ENTREP2: variants seen among roughly 807,000 people sequenced by gnomAD.
ENTREP2 encodes the protein endosomal transmembrane epsin interactor 2, also known as protein ENTREP2.
At chr15:29,433,155 C>T in the ENTREP2 span, among the ~76,000 whole-genome samples, 1 of 152,144 alleles carries the variant, frequency 6.6e-6, no homozygotes, top group Non-Finnish European at 1.5e-5. Flanking sequence ...TGGACCCAGC[C>T]CCAGCACTGG....
At chr15:29,246,373 CAG>C in the ENTREP2 span, among the ~76,000 whole-genome samples, 1 of 122,568 alleles carries the variant, frequency 8.2e-6, no homozygotes, top group African/African-American at 3.1e-5. Context: ...GCCTAAGCAA[CAG>C]AGTGAAACCC....
chr15:29,375,215 T>C, the ENTREP2 span: 1 of 152,212 alleles, frequency 6.6e-6, no homozygotes, highest in African/African-American at 2.4e-5. Flanking sequence ...CTGCATGCTG[T>C]ATACAATGCC....
the ENTREP2 span, among the ~76,000 whole-genome samples, chr15:29,528,376 C>G: frequency 6.6e-6 from 1 of 151,824 alleles, no homozygotes; most frequent in Non-Finnish European, 1.5e-5. Flanking sequence ...GGAAGAGAAG[C>G]TGCATGTCCT....
chr15:29,203,356 C>T, the ENTREP2 span, among the ~76,000 whole-genome samples: 3 of 152,066 alleles, frequency 2.0e-5, no homozygotes, highest in Non-Finnish European at 4.4e-5. Flanking sequence ...GAGCTGAGAT[C>T]GCGCCACTGC....
At chr15:29,438,217 G>A in the ENTREP2 span, among the ~76,000 whole-genome samples, 1 of 152,134 alleles carries the variant, frequency 6.6e-6, no homozygotes, top group African/African-American at 2.4e-5. Flanking sequence ...AAATAATGAA[G>A]GGGAAGTGCC....
chr15:29,238,685 GA>G, the ENTREP2 span, among the ~76,000 whole-genome samples: 12 of 152,136 alleles, frequency 7.9e-5, no homozygotes, highest in Admixed American at 6.5e-4. Context: ...GGCTATACAA[GA>G]AGCATGGCAG....
At chr15:29,138,731 G>A in the ENTREP2 span, among the ~76,000 whole-genome samples, 1 of 151,094 alleles carries the variant, frequency 6.6e-6, no homozygotes, top group African/African-American at 2.4e-5. Context: ...GTGTGTTGAG[G>A]GGAAGACAGG....
the ENTREP2 span, among the ~76,000 whole-genome samples, chr15:29,470,091 G>A: frequency 1.1e-4 from 17 of 152,272 alleles, no homozygotes; most frequent in East Asian, 3.3e-3. Context: ...ATCACTAAAA[G>A]GAGCCTAAGA....
chr15:29,156,539 C>T, the ENTREP2 span, among the ~76,000 whole-genome samples: 2 of 151,598 alleles, frequency 1.3e-5, no homozygotes, highest in Admixed American at 1.3e-4. Context: ...GCAGGGAGGG[C>T]CTAGCACAGA....
chr15:29,278,531 C>CTCCA, the ENTREP2 span, among the ~76,000 whole-genome samples: 1 of 152,318 alleles, frequency 6.6e-6, no homozygotes, highest in Non-Finnish European at 1.5e-5. Context: ...GAGGCCTGGG[C>CTCCA]TCCAAGAGGC....
the ENTREP2 span, among the ~76,000 whole-genome samples, chr15:29,651,951 A>C: frequency 6.6e-6 from 1 of 152,168 alleles, no homozygotes; most frequent in Non-Finnish European, 1.5e-5. Context: ...GCTGGAGAAG[A>C]TCTGAAGCCT....
chr15:29,134,879 C>A, the ENTREP2 span, among the ~76,000 whole-genome samples: 1 of 152,250 alleles, frequency 6.6e-6, no homozygotes, highest in East Asian at 1.9e-4. Context: ...AAGGTCTGAA[C>A]CCTGTGCTAG....
the ENTREP2 span, among the ~76,000 whole-genome samples, chr15:29,325,556 C>A: frequency 1.3e-5 from 2 of 152,096 alleles, no homozygotes; most frequent in Non-Finnish European, 2.9e-5. Flanking sequence ...ACAAGGAGAA[C>A]TAGATCGTCT....
chr15:29,260,018 A>C, the ENTREP2 span, among the ~76,000 whole-genome samples: 1 of 152,196 alleles, frequency 6.6e-6, no homozygotes, highest in African/African-American at 2.4e-5. Context: ...ACATGAATTA[A>C]CAAAAGTGAT....
chr15:29,401,709 G>A, the ENTREP2 span, among the ~76,000 whole-genome samples: 5 of 152,176 alleles, frequency 3.3e-5, no homozygotes, highest in Non-Finnish European at 7.3e-5. Context: ...ACACAAGGAC[G>A]TTTACTACAA....
At chr15:29,309,924 G>A in the ENTREP2 span, among the ~76,000 whole-genome samples, 3 of 152,136 alleles carry the variant, frequency 2.0e-5, no homozygotes, top group Non-Finnish European at 4.4e-5. Context: ...ACTGACCTGG[G>A]CATAGGACTG....
chr15:29,591,832 G>GAGA, the ENTREP2 span, among the ~76,000 whole-genome samples: 4,696 of 139,876 alleles, frequency 0.034, 115 homozygotes, highest in Non-Finnish European at 0.042. Context: ...CATCTCAAAA[G>GAGA]AGAAGAAGAA....
the ENTREP2 span, among the ~76,000 whole-genome samples, chr15:29,356,546 C>T: frequency 6.6e-6 from 1 of 151,470 alleles, no homozygotes; most frequent in Non-Finnish European, 1.5e-5. Flanking sequence ...ACCTCGTGAT[C>T]CGCCCGCCTC....
At chr15:29,500,169 C>G in the ENTREP2 span, among the ~76,000 whole-genome samples, 1 of 152,086 alleles carries the variant, frequency 6.6e-6, no homozygotes, top group Non-Finnish European at 1.5e-5. Flanking sequence ...AATTAAATAC[C>G]TCAATTTCAA....
Sources: gnomAD v4.1 joint callset for allele counts (sites outside exome capture counted in the v4.1 genomes callset) on GRCh38, gnomAD v4.1.1 for gene constraint, MANE v1.5 for transcripts, NCBI Gene and HGNC (gene_info 2026-07-23, HGNC 2026-07-21) for gene names.